Variants in CISD2 observed in about 807,000 individuals in gnomAD.
CISD2 encodes CDGSH iron sulfur domain 2.
Under a neutral mutation model 12.9 loss-of-function variants are expected in CISD2, and 1 was observed. That is an observed-to-expected ratio of 0.08 (90% CI 0.03 to 0.37). CISD2 has a LOEUF of 0.37. Among genes scored for constraint, CISD2 ranks in the 10% least tolerant of loss-of-function variants. The pLI, the probability that CISD2 is intolerant of heterozygous loss-of-function variation, is 0.99. For synonymous variants in CISD2, 50 were observed against 60.6 expected (o/e 0.83, Z 0.81); for missense variants, 97 against 163.1 (o/e 0.59, Z 2.21).
intron 1 of CISD2, chr4:102,869,590 G>A: frequency 2.9e-6 from 2 of 695,584 alleles, no homozygotes; most frequent in Non-Finnish European, 5.2e-6. Flanking sequence ...CCCAGCTACC[G>A]GCTGGGTTGT....
Position 102,869,094 on chromosome 4 carries a change from G to A in CISD2, c.10G>A (p.Glu4Lys), listed in dbSNP as rs752651575. 1 of 1,611,144 alleles carries A rather than the reference G, an allele frequency of 6.2e-7. No individual in the cohort carries two copies. Among genetic ancestry groups the A allele is most frequent in the Middle Eastern group, 1.7e-4 (1 of 6,034 alleles). Residue 4 changes from glutamate to lysine, a missense_variant, in exon 1 of 3, where the codon GAG becomes AAG. Coordinates refer to ENST00000273986, the MANE Select transcript of CISD2 (RefSeq NM_001008388.5). ...GACGCCGCTGGCCAGGATGGTGCTG[G>A]AGAGCGTGGCCCGTATCGTGAAGGT... Reference protein sequence around the residue: MVLESVARIVKVQL... With the variant: MVLKSVARIVKVQL...
At position 102,889,770 on chromosome 4, in the gene CISD2, T is replaced by C. The variant is rs1192486062; in HGVS notation, c.*2340T>C. On this transcript the variant is annotated 3_prime_UTR_variant, in exon 3 of 3. Transcript: ENST00000273986. Reference sequence around the variant, plus strand: ...AATAACTCCTTTAAATAAGCATTATTAGCAGTTTGCATTACTTCTTGTAAA... The same window carrying C: ...AATAACTCCTTTAAATAAGCATTATCAGCAGTTTGCATTACTTCTTGTAAA... 1.3e-5 allele frequency: 2 copies of C among 152,236 alleles called. No homozygotes were observed. The highest frequency in any genetic ancestry group is 2.9e-5 in the Non-Finnish European group (2 of 68,042). 9.4% of individuals were successfully genotyped at this position (152,236 alleles called of 1,614,324 possible).
rs915172408 is a variant in CISD2, at chr4:102,890,290, A to G, written c.*2860A>G. On this transcript the variant is annotated 3_prime_UTR_variant, in exon 3 of 3. Transcript: ENST00000273986. ...AGCCAATTAAGCCAGCTGCTGATCTATATAGTACTACCTTCCTCATTGTGA... is the reference window on the plus strand; with the variant it reads ...AGCCAATTAAGCCAGCTGCTGATCTGTATAGTACTACCTTCCTCATTGTGA... 4.6e-5 allele frequency: 7 copies of G among 152,322 alleles called. No homozygotes were observed. The highest frequency in any genetic ancestry group is 1.7e-4 in the African/African-American group (7 of 41,566). The allele number at this position is 152,322 out of a possible 1,614,324, so 9.4% of individuals were successfully genotyped here.
In CISD2 at chr4:102,889,129, C is replaced by G. The variant is rs1734097003; in HGVS notation, c.*1699C>G. ...ATCGTAACATCTTCATGACCAGCAG[C>G]ATGTATTTTAGAGTTAGAAATGTAG... On this transcript the variant is annotated 3_prime_UTR_variant, in exon 3 of 3. Coordinates refer to ENST00000273986, the MANE Select transcript of CISD2 (RefSeq NM_001008388.5). The G allele has an allele frequency of 6.6e-6, 1 of 152,174 alleles. No individual in the cohort carries two copies. The highest frequency in any genetic ancestry group is 1.5e-5 in the Non-Finnish European group (1 of 68,040). 9.4% of individuals were successfully genotyped at this position (152,174 alleles called of 1,614,324 possible). A position where few individuals can be genotyped will look rare whatever the true frequency, so the allele number is the denominator to read the frequency against.
intron 1 of CISD2, among the ~76,000 whole-genome samples, chr4:102,873,079 A>G (rs546279380): frequency 2.2e-4 from 34 of 152,134 alleles, no homozygotes; most frequent in Admixed American, 1.2e-3. Context: ...ATCAGATATC[A>G]TGAGAACTCA....
intron 1 of CISD2, among the ~76,000 whole-genome samples, chr4:102,884,103 T>G (rs1733796703): frequency 6.6e-6 from 1 of 152,200 alleles, no homozygotes. Context: ...AGGCACAGAT[T>G]TTAATTTTAG....
chr4:102,871,321 T>C (rs1439592676), intron 1 of CISD2, among the ~76,000 whole-genome samples: 2 of 152,174 alleles, frequency 1.3e-5, no homozygotes, highest in African/African-American at 4.8e-5. Context: ...CCAAAACCTT[T>C]TCTCTCTTAA....
chr4:102,891,807 T>C lies in CISD2; in HGVS notation c.*4377T>C, dbSNP rs1393364140. On this transcript the variant is annotated 3_prime_UTR_variant, in exon 3 of 3. Transcript: ENST00000273986. ...ATAATAAATTTTGTTAGATGACTTC[T>C]TCCACTTTAGGGGGAATTAAAAATC... 2.6e-5 allele frequency: 4 copies of C among 152,192 alleles called. No individual in the cohort carries two copies. Among genetic ancestry groups the C allele is most frequent in the Admixed American group, 2.0e-4 (3 of 15,264 alleles). 9.4% of individuals were successfully genotyped at this position (152,192 alleles called of 1,614,324 possible). A position where few individuals can be genotyped will look rare whatever the true frequency, so the allele number is the denominator to read the frequency against.
At chr4:102,880,029 A>C (rs566761371) in intron 1 of CISD2, among the ~76,000 whole-genome samples, 197 of 151,672 alleles carry the variant, frequency 1.3e-3, no homozygotes, top group Non-Finnish European at 2.3e-3. Flanking sequence ...TGCCACCTCC[A>C]CTTCCGGGAT....
rs1404809041 is a variant in CISD2, at chr4:102,888,889, C to CAA, written c.*1461_*1462dup. On this transcript the variant is annotated 3_prime_UTR_variant, in exon 3 of 3. Transcript: ENST00000273986. Reference sequence around the variant, plus strand: ...TGGAAACTGCTTAGTTGAGAAAAGACAAATACAAAAGCTTTTCTTTAGTCT... The same window carrying CAA: ...TGGAAACTGCTTAGTTGAGAAAAGACAAAAATACAAAAGCTTTTCTTTAGTCT... The CAA allele has an allele frequency of 6.6e-6, 1 of 152,224 alleles. No homozygotes were observed. The highest frequency in any genetic ancestry group is 1.9e-4 in the East Asian group (1 of 5,202). The allele number at this position is 152,224 out of a possible 1,614,324, so 9.4% of individuals were successfully genotyped here. A position where few individuals can be genotyped will look rare whatever the true frequency, so the allele number is the denominator to read the frequency against.
chr4:102,876,216 A>C (rs762695760), intron 1 of CISD2, among the ~76,000 whole-genome samples: 10 of 152,174 alleles, frequency 6.6e-5, no homozygotes, highest in Non-Finnish European at 1.0e-4. Flanking sequence ...ATATTGTTGA[A>C]CAAATGAGCT....
intron 1 of CISD2, 44 bp from the exon 2 acceptor site, chr4:102,885,172 C>A (rs749424337): frequency 3.4e-6 from 5 of 1,481,484 alleles, no homozygotes; most frequent in Admixed American, 1.7e-5. Flanking sequence ...ATTTTGAATT[C>A]TTTTCCAAGA....
intron 1 of CISD2, among the ~76,000 whole-genome samples, chr4:102,878,713 C>G (rs1224222188): frequency 2.0e-5 from 3 of 152,302 alleles, no homozygotes; most frequent in African/African-American, 7.2e-5. Flanking sequence ...CAATAAGTCT[C>G]TAGGAAGTTC....
At chr4:102,872,196 G>GT (rs1733471980) in intron 1 of CISD2, among the ~76,000 whole-genome samples, 1 of 152,102 alleles carries the variant, frequency 6.6e-6, no homozygotes, top group African/African-American at 2.4e-5. Context: ...AGCCTCCTAA[G>GT]TAGCCGGGAC....
At chr4:102,877,299 C>T (rs112003158) in intron 1 of CISD2, among the ~76,000 whole-genome samples, 2,788 of 152,306 alleles carry the variant, frequency 0.018, 79 homozygotes, top group African/African-American at 0.061. Context: ...AGTACAGGCA[C>T]TGGGTAAATA....
intron 2 of CISD2, among the ~76,000 whole-genome samples, chr4:102,885,909 T>C (rs1165781026): frequency 2.0e-5 from 3 of 152,200 alleles, no homozygotes; most frequent in Admixed American, 2.0e-4. Flanking sequence ...TATGAGGTAG[T>C]AAATGATAGC....
intron 1 of CISD2, among the ~76,000 whole-genome samples, chr4:102,870,167 T>C (rs971241523): frequency 6.6e-6 from 1 of 152,192 alleles, no homozygotes; most frequent in African/African-American, 2.4e-5. Context: ...TAAAGATCTG[T>C]AGTACCTGAC....
intron 1 of CISD2, among the ~76,000 whole-genome samples, chr4:102,880,305 A>T (rs1733685022): frequency 6.6e-6 from 1 of 152,166 alleles, no homozygotes; most frequent in African/African-American, 2.4e-5. Flanking sequence ...ATTAAAATTT[A>T]TGTTTCCAAC....
chr4:102,878,367 G>C (rs981481078), intron 1 of CISD2, among the ~76,000 whole-genome samples: 5 of 152,150 alleles, frequency 3.3e-5, no homozygotes, highest in Admixed American at 6.5e-5. Context: ...TTGACCTCAT[G>C]ATCTGCCCGC....
Sources: allele counts gnomAD v4.1 joint callset (sites outside exome capture counted in the v4.1 genomes callset), GRCh38; gene constraint gnomAD v4.1.1; transcripts MANE v1.5; gene names NCBI Gene and HGNC (gene_info 2026-07-23, HGNC 2026-07-21).